The following ZNF804B variants were observed in gnomAD, a reference collection of about 807,000 sequenced individuals.
ZNF804B encodes zinc finger protein 804B.
A neutral mutation model predicts 101.4 loss-of-function variants in ZNF804B; 80 were observed. That is an observed-to-expected ratio of 0.79 (90% CI 0.66 to 0.95). ZNF804B has a LOEUF of 0.95. Ranked by LOEUF, ZNF804B falls within the 40% of genes least tolerant of loss-of-function variation. The pLI is 0.00. For synonymous variants in ZNF804B, 622 were observed against 558.8 expected (o/e 1.11, Z -1.59); for missense variants, 1,673 against 1,561.9 (o/e 1.07, Z -1.20).
intron 1 of ZNF804B, among the ~76,000 whole-genome samples, chr7:89,095,172 T>C (rs1789953629): frequency 6.6e-6 from 1 of 152,092 alleles, no homozygotes; most frequent in Non-Finnish European, 1.5e-5. Flanking sequence ...TGAGACTAAA[T>C]GCCCTTATAA....
chr7:89,014,766 A>G (rs2373833), intron 1 of ZNF804B, among the ~76,000 whole-genome samples: 128,113 of 152,264 alleles, frequency 0.84, 54,326 homozygotes, highest in African/African-American at 0.95. Flanking sequence ...GTTCATCAGA[A>G]GAATAGTTTG....
chr7:89,321,112 G>A (rs1424404238), intron 2 of ZNF804B, among the ~76,000 whole-genome samples: 2 of 152,142 alleles, frequency 1.3e-5, no homozygotes, highest in African/African-American at 2.4e-5. Flanking sequence ...ACATATTGAA[G>A]AGTATTAGTT....
At chr7:88,875,072 C>T (rs1294231670) in intron 1 of ZNF804B, among the ~76,000 whole-genome samples, 6 of 132,290 alleles carry the variant, frequency 4.5e-5, no homozygotes, top group African/African-American at 6.3e-5. Flanking sequence ...GGGTACATAA[C>T]GAAATGAAGG....
intron 1 of ZNF804B, among the ~76,000 whole-genome samples, chr7:89,084,461 A>G (rs1231389133): frequency 6.6e-6 from 1 of 151,938 alleles, no homozygotes; most frequent in African/African-American, 2.4e-5. Flanking sequence ...ACCAGATTAT[A>G]TCAGATTTTT....
intron 1 of ZNF804B, among the ~76,000 whole-genome samples, chr7:89,114,803 C>T (rs533173767): frequency 1.1e-3 from 174 of 152,210 alleles, no homozygotes; most frequent in African/African-American, 3.9e-3. Context: ...AGTGCTGAAA[C>T]CAGGAAAGGT....
At chr7:88,861,078 C>T (rs1454346734) in intron 1 of ZNF804B, among the ~76,000 whole-genome samples, 1 of 152,048 alleles carries the variant, frequency 6.6e-6, no homozygotes, top group Non-Finnish European at 1.5e-5. Context: ...GTTTCTTTTC[C>T]TTCAATAGAT....
intron 1 of ZNF804B, among the ~76,000 whole-genome samples, chr7:89,217,697 G>A (rs1788918452): frequency 6.6e-6 from 1 of 152,184 alleles, no homozygotes; most frequent in East Asian, 1.9e-4. Context: ...TGGCAATGTT[G>A]AACATAATGG....
chr7:89,041,849 C>T (rs1161089961), intron 1 of ZNF804B, among the ~76,000 whole-genome samples: 1 of 152,128 alleles, frequency 6.6e-6, no homozygotes, highest in African/African-American at 2.4e-5. Context: ...AATTTCTTAG[C>T]TTTTGTGAAG....
At chr7:89,136,415 G>C (rs772002364) in intron 1 of ZNF804B, among the ~76,000 whole-genome samples, 7 of 151,914 alleles carry the variant, frequency 4.6e-5, no homozygotes, top group Non-Finnish European at 8.8e-5. Flanking sequence ...CAATTCAATG[G>C]CATTAAGTTC....
chr7:89,209,489 G>A (rs1788770871), intron 1 of ZNF804B, among the ~76,000 whole-genome samples: 1 of 152,168 alleles, frequency 6.6e-6, no homozygotes, highest in Admixed American at 6.6e-5. Context: ...TGGAAAACAA[G>A]AATCTGCAGT....
chr7:89,066,373 A>T (rs1379399609), intron 1 of ZNF804B, among the ~76,000 whole-genome samples: 2 of 152,074 alleles, frequency 1.3e-5, no homozygotes, highest in African/African-American at 4.8e-5. Flanking sequence ...AATTGCAATA[A>T]AATCATGTCC....
chr7:89,316,134 T>G (rs1790723266), intron 2 of ZNF804B, among the ~76,000 whole-genome samples: 1 of 152,134 alleles, frequency 6.6e-6, no homozygotes, highest in Non-Finnish European at 1.5e-5. Flanking sequence ...TCTTAATCAG[T>G]GGATCTCTGT....
chr7:89,113,616 G>A (rs983403989), intron 1 of ZNF804B, among the ~76,000 whole-genome samples: 5 of 152,070 alleles, frequency 3.3e-5, no homozygotes, highest in Admixed American at 1.3e-4. Context: ...ACAAATTGGT[G>A]TATATTTATA....
Position 88,770,687 on chromosome 7 carries a change from G to A in ZNF804B, c.108+10603G>A, listed in dbSNP as rs377657248. Reference sequence around the variant, plus strand: ...ATGAGTGAATTAATGCCAGTCTCCTGTCTCTGCGCAAATGTCCCTTCCTCC... The same window carrying A: ...ATGAGTGAATTAATGCCAGTCTCCTATCTCTGCGCAAATGTCCCTTCCTCC... On this transcript the variant is annotated intron_variant, in intron 1 of 3. Coordinates refer to ENST00000333190, the MANE Select transcript of ZNF804B (RefSeq NM_181646.5). 3.9e-5 allele frequency among the ~76,000 whole-genome samples: 6 copies of A among 152,092 alleles called. No homozygotes were observed. In the South Asian group the frequency reaches 8.3e-4, roughly 21 times the overall value.
intron 1 of ZNF804B, among the ~76,000 whole-genome samples, chr7:89,143,826 A>G (rs1474626934): frequency 6.6e-6 from 1 of 152,036 alleles, no homozygotes; most frequent in East Asian, 1.9e-4. Context: ...AAATGTATGC[A>G]TAGTTTTTTC....
intron 1 of ZNF804B, among the ~76,000 whole-genome samples, chr7:89,110,116 A>T (rs1007470786): frequency 6.6e-6 from 1 of 152,138 alleles, no homozygotes; most frequent in African/African-American, 2.4e-5. Context: ...ACAGGAAAGG[A>T]TAATGTTTCA....
In ZNF804B at chr7:89,333,614, G is replaced by C. The variant is rs749687808; in HGVS notation, c.632G>C (p.Ser211Thr). The change falls in exon 4 of 4, where the codon AGC becomes ACC. Residue 211 changes from serine (S) to threonine (T), a missense_variant. Physicochemically the swap from Ser to Thr is moderately conservative, Grantham distance 58. Transcript: ENST00000333190. ...GTACTGCAAACATCTTCAGATCTCA[G>C]CAATGCAAATCACAGAACAGGAGTA... The part of the protein sequence containing the change: ...NQVLQTSSDL[S>T]NANHRTGVSF... The C allele has an allele frequency of 7.4e-6, 12 of 1,613,576 alleles. No homozygotes were observed. Among genetic ancestry groups the C allele is most frequent in the Non-Finnish European group, 1.0e-5 (12 of 1,179,722 alleles).
At chr7:89,113,434 A>T (rs753855100) in intron 1 of ZNF804B, among the ~76,000 whole-genome samples, 9 of 152,320 alleles carry the variant, frequency 5.9e-5, no homozygotes, top group African/African-American at 1.9e-4. Flanking sequence ...ATGGACATGA[A>T]ATAATGGAGA....
intron 2 of ZNF804B, among the ~76,000 whole-genome samples, chr7:89,262,381 C>G (rs896544976): frequency 6.6e-6 from 1 of 152,178 alleles, no homozygotes; most frequent in African/African-American, 2.4e-5. Context: ...AGCATGCCCT[C>G]TTGAGCCTCA....
Sources: gnomAD v4.1 joint callset for allele counts (sites outside exome capture counted in the v4.1 genomes callset) on GRCh38, gnomAD v4.1.1 for gene constraint, MANE v1.5 for transcripts, NCBI Gene and HGNC (gene_info 2026-07-23, HGNC 2026-07-21) for gene names.